PTPRT: variants seen among roughly 807,000 people sequenced by gnomAD.
PTPRT encodes receptor-type tyrosine-protein phosphatase T.
A neutral mutation model predicts 176.8 loss-of-function variants in PTPRT; 56 were observed. The observed-to-expected ratio is 0.32, with a 90% CI of 0.26 to 0.40. The LOEUF is 0.40. Ranked by LOEUF, PTPRT falls within the 10% of genes least tolerant of loss-of-function variation. The probability of loss-of-function intolerance (pLI) is 1.00; values close to 1 mark genes in which losing one functional copy is unlikely to be tolerated. For synonymous variants in PTPRT, 783 were observed against 739.0 expected (o/e 1.06, Z -0.96); for missense variants, 1,540 against 1,908.2 (o/e 0.81, Z 3.60).
chr20:42,318,535 G>A (rs1174700842), intron 11 of PTPRT, among the ~76,000 whole-genome samples: 1 of 152,130 alleles, frequency 6.6e-6, no homozygotes, highest in Non-Finnish European at 1.5e-5. Flanking sequence ...AACCTCTTGG[G>A]CTCTCCTGCT....
At chr20:42,312,696 C>T (rs559176787) in intron 12 of PTPRT, among the ~76,000 whole-genome samples, 227 of 151,644 alleles carry the variant, frequency 1.5e-3, no homozygotes, top group South Asian at 5.2e-3. Context: ...AGCAAGAGTA[C>T]ATATGCATGG....
intron 6 of PTPRT, among the ~76,000 whole-genome samples, chr20:42,723,407 GC>G (rs2076331547): frequency 6.6e-6 from 1 of 152,180 alleles, no homozygotes; most frequent in African/African-American, 2.4e-5. Context: ...GCCTCCCAGG[GC>G]GGCCTTCCCG....
intron 9 of PTPRT, among the ~76,000 whole-genome samples, chr20:42,376,880 G>T (rs576539625): frequency 6.6e-6 from 1 of 152,090 alleles, no homozygotes; most frequent in African/African-American, 2.4e-5. Context: ...CTTGAAAGGC[G>T]CGATAAGGAA....
chr20:42,083,648 C>T (rs1284417368), intron 29 of PTPRT, among the ~76,000 whole-genome samples: 3 of 152,202 alleles, frequency 2.0e-5, no homozygotes, highest in African/African-American at 7.2e-5. Flanking sequence ...TTTGAAAAGA[C>T]TGACCTCAAT....
At chr20:42,436,088 C>A (rs1165005296) in intron 9 of PTPRT, among the ~76,000 whole-genome samples, 2 of 152,110 alleles carry the variant, frequency 1.3e-5, no homozygotes, top group South Asian at 4.1e-4. Context: ...TCACCCTATG[C>A]AAAAATTAAT....
chr20:42,919,891 A>C (rs1195026381), intron 1 of PTPRT, among the ~76,000 whole-genome samples: 1 of 152,236 alleles, frequency 6.6e-6, no homozygotes, highest in Non-Finnish European at 1.5e-5. Context: ...GGGTGCCATA[A>C]GAGATTTCCT....
At chr20:42,501,424 G>A (rs1286025789) in intron 7 of PTPRT, among the ~76,000 whole-genome samples, 1 of 152,132 alleles carries the variant, frequency 6.6e-6, no homozygotes, top group Non-Finnish European at 1.5e-5. Context: ...ATATTTTGCT[G>A]AAGATATATA....
rs553514652 is a variant in PTPRT, at chr20:42,583,996, G to A, written c.1153+93870C>T. Among the ~76,000 whole-genome samples, 34 of 152,218 alleles carry A rather than the reference G, an allele frequency of 2.2e-4. 1 individual carries two copies. In the South Asian group the frequency reaches 6.4e-3, roughly 29 times the overall value. ...TGGTGGAGAGTGCATATGCAGGCAC[G>A]CCAGTTAACTGATCTGGCTGAGCCC... is the stretch of plus-strand genomic sequence containing the variant. On this transcript the variant is annotated intron_variant, in intron 7 of 30. Coordinates refer to ENST00000373187, the MANE Select transcript of PTPRT (RefSeq NM_007050.6).
intron 7 of PTPRT, among the ~76,000 whole-genome samples, chr20:42,553,552 TCA>T (rs1254201014): frequency 6.6e-6 from 1 of 152,150 alleles, no homozygotes; most frequent in African/African-American, 2.4e-5. Flanking sequence ...TACTTCATTC[TCA>T]CAGTTAATAG....
chr20:42,425,663 A>T (rs932702988), intron 9 of PTPRT, among the ~76,000 whole-genome samples: 7 of 152,226 alleles, frequency 4.6e-5, no homozygotes, highest in Admixed American at 3.3e-4. Flanking sequence ...GGAGATGGAT[A>T]TGTTAATTAG....
At position 42,317,683 on chromosome 20, in the gene PTPRT, T is replaced by C. The variant is rs140298394; in HGVS notation, c.1866-1687A>G. Among the ~76,000 whole-genome samples the C allele has an allele frequency of 1.8e-4, 28 of 152,302 alleles. No individual in the cohort carries two copies. In the East Asian group the frequency reaches 5.4e-3, roughly 29 times the overall value. ...GGAGATGACAGAGACACAGGACTAT[T>C]TCATTAAGGAAAAAAGGCTATGGAG... On this transcript the variant is annotated intron_variant, in intron 11 of 30. Coordinates refer to ENST00000373187, the MANE Select transcript of PTPRT (RefSeq NM_007050.6).
chr20:42,908,316 A>T (rs2079504568), intron 1 of PTPRT, among the ~76,000 whole-genome samples: 1 of 152,196 alleles, frequency 6.6e-6, no homozygotes, highest in South Asian at 2.1e-4. Context: ...CGAATCTTAA[A>T]CACCTTAGGG....
chr20:42,826,844 C>G (rs1402001510), intron 2 of PTPRT, among the ~76,000 whole-genome samples: 1 of 151,970 alleles, frequency 6.6e-6, no homozygotes, highest in East Asian at 1.9e-4. Context: ...CACAAAAGCT[C>G]AAAATAAAGG....
chr20:42,746,627 G>GGA (rs562402551), intron 6 of PTPRT, among the ~76,000 whole-genome samples: 13 of 151,384 alleles, frequency 8.6e-5, no homozygotes, highest in African/African-American at 3.2e-4. Flanking sequence ...GCAGTCATGG[G>GGA]AAAAAAAATG....
intron 2 of PTPRT, among the ~76,000 whole-genome samples, chr20:42,815,592 G>C (rs2077769203): frequency 6.6e-6 from 1 of 152,114 alleles, no homozygotes; most frequent in South Asian, 2.1e-4. Flanking sequence ...CTGATATTAA[G>C]ATAAAATTAA....
intron 7 of PTPRT, among the ~76,000 whole-genome samples, chr20:42,473,799 A>C (rs1045353917): frequency 6.6e-6 from 1 of 152,164 alleles, no homozygotes; most frequent in Admixed American, 6.5e-5. Flanking sequence ...TTGTTATGTT[A>C]GAAACATAAC....
chr20:42,568,676 G>A (rs976443814), intron 7 of PTPRT, among the ~76,000 whole-genome samples: 1 of 152,100 alleles, frequency 6.6e-6, no homozygotes, highest in Admixed American at 6.5e-5. Context: ...TGGGGTCAGA[G>A]GTGACCCTCC....
In PTPRT at chr20:42,729,678, C is replaced by T. The variant is rs189767447; in HGVS notation, c.859+26784G>A. On this transcript the variant is annotated intron_variant, in intron 6 of 30. Coordinates refer to ENST00000373187, the MANE Select transcript of PTPRT (RefSeq NM_007050.6). ...GATCCAGGAATGAATGCAGCTTGGT[C>T]CCTGGCTGTGAGACACAGGATTGCA... is the stretch of plus-strand genomic sequence containing the variant. Among the ~76,000 whole-genome samples, 6 of 152,284 alleles carry T rather than the reference C, an allele frequency of 3.9e-5. No homozygotes were observed. The East Asian group carries it at 1.2e-3, about 29-fold the overall frequency.
At chr20:42,108,360 C>G (rs1267372826) in intron 23 of PTPRT, among the ~76,000 whole-genome samples, 2 of 152,130 alleles carry the variant, frequency 1.3e-5, no homozygotes, top group South Asian at 2.1e-4. Flanking sequence ...GGGCAAATGA[C>G]TTAACCTCTC....
Sources: allele counts gnomAD v4.1 joint callset (sites outside exome capture counted in the v4.1 genomes callset), GRCh38; gene constraint gnomAD v4.1.1; transcripts MANE v1.5; gene names NCBI Gene and HGNC (gene_info 2026-07-23, HGNC 2026-07-21).